The following STRN variants were observed in gnomAD, a reference collection of about 807,000 sequenced individuals.
STRN encodes striatin.
In STRN, 53 loss-of-function variants were observed where a neutral mutation model predicts 96.3. That is an observed-to-expected ratio of 0.55 (90% CI 0.44 to 0.69). The LOEUF (loss-of-function observed/expected upper bound fraction) is 0.69. Ranked by LOEUF, STRN falls within the 30% of genes least tolerant of loss-of-function variation. STRN has a pLI of 0.00. For synonymous variants in STRN, 428 were observed against 355.9 expected, an observed-to-expected ratio of 1.20 and a Z score of -2.28; for missense variants, 987 against 963.9, an observed-to-expected ratio of 1.02 and a Z score of -0.32.
rs13397869 is a variant in STRN, at chr2:36,914,426, A to G, written c.412+1652T>C. On this transcript the variant is annotated intron_variant, in intron 3 of 17. Coordinates refer to ENST00000263918, the MANE Select transcript of STRN (RefSeq NM_003162.4). Reference sequence around the variant, plus strand: ...TTGAGTCAGTTAATATAGTTTTAGAACAGTTTTTAACAAATAGCCTAGATT... The same window carrying G: ...TTGAGTCAGTTAATATAGTTTTAGAGCAGTTTTTAACAAATAGCCTAGATT... 9.5e-3 allele frequency among the ~76,000 whole-genome samples: 1,451 copies of G among 152,382 alleles called. 13 individuals are homozygous for G. The highest frequency in any genetic ancestry group is 0.013 in the Non-Finnish European group (882 of 68,040).
intron 10 of STRN, among the ~76,000 whole-genome samples, chr2:36,874,664 T>C (rs1668853197): frequency 6.7e-6 from 1 of 148,532 alleles, no homozygotes; most frequent in Admixed American, 6.7e-5. Flanking sequence ...AAATGATAGT[T>C]GACCTTAGCA....
At chr2:36,952,564 T>C (rs1445251964) in intron 1 of STRN, among the ~76,000 whole-genome samples, 2 of 152,148 alleles carry the variant, frequency 1.3e-5, no homozygotes, top group African/African-American at 2.4e-5. Context: ...TTCTCACCTA[T>C]GCATTTGGGA....
chr2:36,875,699 C>T (rs1470468899), intron 10 of STRN, among the ~76,000 whole-genome samples: 2 of 151,024 alleles, frequency 1.3e-5, no homozygotes, highest in South Asian at 2.1e-4. Flanking sequence ...CTCTATCGCC[C>T]GCGCTGGAGT....
chr2:36,964,492 C>CAAGG (rs1665108798), intron 1 of STRN, among the ~76,000 whole-genome samples: 1 of 152,014 alleles, frequency 6.6e-6, no homozygotes, highest in East Asian at 1.9e-4. Flanking sequence ...TTGTTGGAGA[C>CAAGG]TATATAAACA....
chr2:36,899,410 T>C, intron 6 of STRN, 113 bp downstream of exon 6: 1 of 1,046,698 alleles, frequency 9.6e-7, no homozygotes, highest in East Asian at 3.1e-5. Flanking sequence ...TCCAAATTCA[T>C]GAAAAAGAAA....
At position 36,867,844 on chromosome 2, in the gene STRN, ACAT is replaced by A; in HGVS notation, c.1514_1516del (p.Asp505del). 1 of 1,594,568 alleles carries A rather than the reference ACAT, an allele frequency of 6.3e-7. No individual in the cohort carries two copies. Among genetic ancestry groups the A allele is most frequent in the South Asian group, 1.1e-5 (1 of 87,372 alleles). On this transcript the variant is annotated inframe_deletion, in exon 12 of 18. Coordinates refer to ENST00000263918, the MANE Select transcript of STRN (RefSeq NM_003162.4). ...GGCTCTGAATGTATAGATAGGTTCT[ACAT>A]CAAGAGAAGTGCTCCTAAATCAGAG...
intron 1 of STRN, among the ~76,000 whole-genome samples, chr2:36,957,749 T>TTTG: frequency 9.1e-5 from 7 of 76,776 alleles, no homozygotes; most frequent in African/African-American, 4.1e-4. Flanking sequence ...TTTGTCTTTT[T>TTTG]TTTTTTTTTT....
intron 10 of STRN, 48 bp downstream of exon 10, chr2:36,877,843 T>C (rs756598688): frequency 1.2e-6 from 2 of 1,606,860 alleles, no homozygotes; most frequent in Admixed American, 3.4e-5. Context: ...CCCAAGTTTT[T>C]GTTTTTAAAA....
intron 7 of STRN, among the ~76,000 whole-genome samples, chr2:36,890,355 C>T (rs1175328179): frequency 1.3e-5 from 2 of 151,666 alleles, no homozygotes; most frequent in Admixed American, 6.6e-5. Context: ...GGTACCATGA[C>T]AGAGTCCCTG....
At chr2:36,962,752 C>G (rs577688563) in intron 1 of STRN, among the ~76,000 whole-genome samples, 52 of 152,178 alleles carry the variant, frequency 3.4e-4, no homozygotes, top group Non-Finnish European at 6.2e-4. Flanking sequence ...CACGATCCGC[C>G]TGCCTTGGCC....
intron 15 of STRN, 72 bp downstream of exon 15, chr2:36,855,140 C>T: frequency 6.8e-7 from 1 of 1,477,156 alleles, no homozygotes; most frequent in Non-Finnish European, 9.3e-7. Flanking sequence ...TTTTTCACAG[C>T]TGACTCTAGT....
At chr2:36,944,344 G>A (rs1237931382) in intron 1 of STRN, among the ~76,000 whole-genome samples, 3 of 152,132 alleles carry the variant, frequency 2.0e-5, no homozygotes, top group Non-Finnish European at 4.4e-5. Context: ...ATAGGTAGAA[G>A]GAAATATATG....
At chr2:36,929,348 T>C (rs1454708419) in intron 1 of STRN, among the ~76,000 whole-genome samples, 1 of 152,204 alleles carries the variant, frequency 6.6e-6, no homozygotes, top group Non-Finnish European at 1.5e-5. Context: ...ATTAAAATAT[T>C]TAAAATGCAC....
At chr2:36,940,836 C>CAAAAAA (rs56996485) in intron 1 of STRN, among the ~76,000 whole-genome samples, 1 of 46,572 alleles carries the variant, frequency 2.1e-5, no homozygotes, top group Admixed American at 2.8e-4. Context: ...GACTCTGTCT[C>CAAAAAA]AAAAAAAAAA....
At chr2:36,876,428 G>T (rs916601304) in intron 10 of STRN, among the ~76,000 whole-genome samples, 1 of 152,142 alleles carries the variant, frequency 6.6e-6, no homozygotes, top group Non-Finnish European at 1.5e-5. Flanking sequence ...GATTTCAACT[G>T]TCTTTGGAGG....
At chr2:36,915,274 A>ATATATATAT (rs1274039251) in intron 3 of STRN, among the ~76,000 whole-genome samples, 1 of 96,658 alleles carries the variant, frequency 1.0e-5, no homozygotes, top group Non-Finnish European at 2.4e-5. Flanking sequence ...TATATATATA[A>ATATATATAT]AGCCTCTAGC....
intron 10 of STRN, 88 bp from the exon 11 acceptor site, chr2:36,869,817 T>C: frequency 9.2e-7 from 1 of 1,087,222 alleles, no homozygotes; most frequent in South Asian, 2.6e-5. Context: ...CTTGCTGATG[T>C]GTCAATAAAC....
chr2:36,961,838 A>G (rs1488686657), intron 1 of STRN, among the ~76,000 whole-genome samples: 1 of 152,118 alleles, frequency 6.6e-6, no homozygotes, highest in African/African-American at 2.4e-5. Flanking sequence ...GACTTCTTCC[A>G]TTCTCTTCCT....
At chr2:36,920,299 G>C (rs1670218598) in intron 2 of STRN, among the ~76,000 whole-genome samples, 1 of 152,048 alleles carries the variant, frequency 6.6e-6, no homozygotes, top group South Asian at 2.1e-4. Flanking sequence ...TACAAATAGT[G>C]CCATAACATC....
Sources: allele counts gnomAD v4.1 joint callset (sites outside exome capture counted in the v4.1 genomes callset), GRCh38; gene constraint gnomAD v4.1.1; transcripts MANE v1.5; gene names NCBI Gene and HGNC (gene_info 2026-07-23, HGNC 2026-07-21).